AGBL4: variants seen among roughly 807,000 people sequenced by gnomAD.
The protein encoded by AGBL4 is cytosolic carboxypeptidase 6.
Under a neutral mutation model 66.4 loss-of-function variants are expected in AGBL4, and 58 were observed. That is an observed-to-expected ratio of 0.87 (90% confidence interval 0.71 to 1.09). The LOEUF is 1.09. Ranked by LOEUF, AGBL4 falls within the 50% of genes least tolerant of loss-of-function variation. AGBL4 has a pLI of 0.00. For missense variants in AGBL4, 579 were observed against 631.0 expected (o/e 0.92, Z 0.88); for synonymous variants, 234 against 222.9 (o/e 1.05, Z -0.44).
intron 6 of AGBL4, among the ~76,000 whole-genome samples, chr1:48,773,394 G>A (rs1644930346): frequency 6.6e-6 from 1 of 152,098 alleles, no homozygotes; most frequent in African/African-American, 2.4e-5. Context: ...AGAGGTCAAA[G>A]GTGAGTCAAA....
intron 6 of AGBL4, among the ~76,000 whole-genome samples, chr1:48,838,124 T>C (rs77322446): frequency 6.6e-6 from 1 of 151,798 alleles, no homozygotes; most frequent in Non-Finnish European, 1.5e-5. Context: ...CCCAAAGCAA[T>C]CTACAGATCA....
chr1:49,324,686 C>T (rs1645194795), intron 3 of AGBL4, among the ~76,000 whole-genome samples: 1 of 152,208 alleles, frequency 6.6e-6, no homozygotes, highest in South Asian at 2.1e-4. Flanking sequence ...ATTCCTCCAT[C>T]TTTACATTCA....
intron 4 of AGBL4, among the ~76,000 whole-genome samples, chr1:49,144,543 A>ACACG (rs1441361906): frequency 1.3e-5 from 2 of 151,714 alleles, no homozygotes; most frequent in Non-Finnish European, 2.9e-5. Flanking sequence ...ACACACACAC[A>ACACG]CACACACACA....
intron 3 of AGBL4, among the ~76,000 whole-genome samples, chr1:49,586,829 T>C (rs1644657346): frequency 6.6e-6 from 1 of 151,934 alleles, no homozygotes; most frequent in African/African-American, 2.4e-5. Context: ...AATAATTGAG[T>C]TATATTAAAT....
At chr1:48,986,073 C>T (rs967130591) in intron 5 of AGBL4, among the ~76,000 whole-genome samples, 8 of 151,768 alleles carry the variant, frequency 5.3e-5, no homozygotes, top group South Asian at 4.2e-4. Context: ...CTAGTGAATT[C>T]GAAGACATAG....
chr1:48,547,846 G>T (rs1644189359), intron 11 of AGBL4, among the ~76,000 whole-genome samples: 1 of 152,064 alleles, frequency 6.6e-6, no homozygotes. Context: ...GACCAATGTG[G>T]TTTTCATCAT....
intron 3 of AGBL4, among the ~76,000 whole-genome samples, chr1:49,435,199 G>A (rs1348255730): frequency 2.0e-5 from 3 of 152,058 alleles, no homozygotes; most frequent in Non-Finnish European, 4.4e-5. Context: ...TATGCTCCAT[G>A]GTACCAGAAT....
intron 3 of AGBL4, among the ~76,000 whole-genome samples, chr1:49,322,033 C>T (rs1160349148): frequency 6.6e-6 from 1 of 152,194 alleles, no homozygotes; most frequent in Non-Finnish European, 1.5e-5. Context: ...AGCATGCCAC[C>T]AACCCAGGTT....
chr1:49,386,264 GAT>G (rs1644734217), intron 3 of AGBL4, among the ~76,000 whole-genome samples: 1 of 102,656 alleles, frequency 9.7e-6, no homozygotes, highest in South Asian at 2.9e-4. Context: ...TGGATGGATG[GAT>G]GTGTGTGTGT....
intron 4 of AGBL4, among the ~76,000 whole-genome samples, chr1:49,135,985 G>C (rs1212079653): frequency 6.6e-6 from 1 of 152,072 alleles, no homozygotes; most frequent in South Asian, 2.1e-4. Context: ...TCTCCTGTAG[G>C]CTTTTCTATA....
At chr1:49,086,299 C>T (rs1431321881) in intron 4 of AGBL4, among the ~76,000 whole-genome samples, 1 of 152,158 alleles carries the variant, frequency 6.6e-6, no homozygotes, top group Non-Finnish European at 1.5e-5. Context: ...CTGGCAACAC[C>T]TGCTACAGCT....
chr1:49,655,599 C>G (rs916762350), intron 3 of AGBL4, among the ~76,000 whole-genome samples: 4 of 152,116 alleles, frequency 2.6e-5, no homozygotes, highest in African/African-American at 9.7e-5. Context: ...CAAGAGAAAG[C>G]AGGACAGATC....
At chr1:49,947,987 T>TA (rs1655436597) in intron 1 of AGBL4, among the ~76,000 whole-genome samples, 2 of 100,666 alleles carry the variant, frequency 2.0e-5, no homozygotes, top group Non-Finnish European at 3.6e-5. Flanking sequence ...TAAATATATA[T>TA]TTATATATAT....
intron 9 of AGBL4, among the ~76,000 whole-genome samples, chr1:48,630,172 A>C (rs138066270): frequency 4.6e-5 from 7 of 152,302 alleles, no homozygotes; most frequent in Middle Eastern, 3.4e-3. Context: ...TTGGTTAAAC[A>C]CTTTGTTTTC....
At chr1:48,740,988 T>C (rs1011156065) in intron 6 of AGBL4, among the ~76,000 whole-genome samples, 5 of 152,232 alleles carry the variant, frequency 3.3e-5, no homozygotes, top group Non-Finnish European at 7.3e-5. Flanking sequence ...CAAGATTTGC[T>C]GTTCAACTCA....
chr1:49,173,846 G>C (rs1281620460), intron 4 of AGBL4, among the ~76,000 whole-genome samples: 1 of 152,106 alleles, frequency 6.6e-6, no homozygotes, highest in East Asian at 1.9e-4. Context: ...CCAAGGCGTA[G>C]TTAAGAGATA....
At chr1:49,971,847 G>A (rs1658113158) in intron 1 of AGBL4, among the ~76,000 whole-genome samples, 1 of 133,590 alleles carries the variant, frequency 7.5e-6, no homozygotes. Flanking sequence ...CATCTTACAA[G>A]CGTTTTTGAA....
chr1:49,058,269 CAT>C (rs1169501019), intron 4 of AGBL4, among the ~76,000 whole-genome samples: 1 of 152,172 alleles, frequency 6.6e-6, no homozygotes, highest in African/African-American at 2.4e-5. Flanking sequence ...ATAATCGCCA[CAT>C]GTCATGGGAG....
chr1:48,585,896 T>C (rs2798120), intron 11 of AGBL4: 86,865 of 151,964 alleles, frequency 0.57, 25,438 homozygotes, highest in Non-Finnish European at 0.64. Flanking sequence ...AAAGATGTTT[T>C]CCTGCACAGA....
Sources: allele counts gnomAD v4.1 joint callset (sites outside exome capture counted in the v4.1 genomes callset), GRCh38; gene constraint gnomAD v4.1.1; transcripts MANE v1.5; gene names NCBI Gene and HGNC (gene_info 2026-07-23, HGNC 2026-07-21).